MAF: variants seen among roughly 807,000 people sequenced by gnomAD.
The protein encoded by MAF is MAF bZIP transcription factor, also known as transcription factor Maf.
Under a neutral mutation model 22.0 loss-of-function variants are expected in MAF, and 10 were observed. The observed-to-expected ratio is 0.45, with a 90% CI of 0.28 to 0.77. The LOEUF is 0.77. Ranked by LOEUF, MAF falls within the 30% of genes least tolerant of loss-of-function variation. The pLI is 0.12. For missense variants in MAF, 544 were observed against 548.4 expected (o/e 0.99, Z 0.08); for synonymous variants, 337 against 255.8 (o/e 1.32, Z -3.03).
At chr16:79,206,898 C>G in the MAF span, among the ~76,000 whole-genome samples, 2 of 152,138 alleles carry the variant, frequency 1.3e-5, no homozygotes, top group South Asian at 2.1e-4. Context: ...AAAGATTGCT[C>G]TTGGATAGTG....
Position 79,599,871 on chromosome 16 carries a change from T to C in MAF, c.32A>G (p.Asp11Gly). The C allele has an allele frequency of 6.2e-7, 1 of 1,606,584 alleles. No individual in the cohort carries two copies. The highest frequency in any genetic ancestry group is 8.5e-7 in the Non-Finnish European group (1 of 1,179,760). The change falls in exon 1 of 2, where the codon GAC (aspartate) becomes GGC (glycine). Residue 11 changes from aspartate to glycine, a missense_variant. Around this residue, in one of 5 missense-constraint regions of MAF, gnomAD observed 63 missense variants for 72.7 expected, o/e 0.87. Coordinates refer to ENST00000326043, the MANE Select transcript of MAF (RefSeq NM_005360.5). ...CATGGCCAGGGGACTGGTGGGCAGG[T>C]CGGAGTTGCTCATTGCCAGTTCTGA... MASELAMSNS[D>G]LPTSPLAMEY...
the MAF span, among the ~76,000 whole-genome samples, chr16:79,222,124 C>G: frequency 0.54 from 81,283 of 151,886 alleles, 22,530 homozygotes; most frequent in Non-Finnish European, 0.62. Context: ...GCAGATCTCT[C>G]GGCAGAAACC....
the MAF span, among the ~76,000 whole-genome samples, chr16:79,404,761 C>G: frequency 3.3e-5 from 5 of 152,014 alleles, no homozygotes; most frequent in African/African-American, 1.2e-4. Context: ...AAATCTCAGA[C>G]TGACATAGGC....
chr16:79,466,427 T>G, the MAF span, among the ~76,000 whole-genome samples: 1 of 152,234 alleles, frequency 6.6e-6, no homozygotes, highest in African/African-American at 2.4e-5. Flanking sequence ...TAGGGCTTTG[T>G]GTTGAAACGA....
the MAF span, among the ~76,000 whole-genome samples, chr16:79,210,921 C>G: frequency 1.3e-5 from 2 of 152,140 alleles, no homozygotes; most frequent in Non-Finnish European, 2.9e-5. Context: ...ACCCCCTTAC[C>G]TGTGGTCCCA....
At chr16:79,286,556 G>C in the MAF span, among the ~76,000 whole-genome samples, 1 of 152,258 alleles carries the variant, frequency 6.6e-6, no homozygotes, top group South Asian at 2.1e-4. Context: ...GTGTATATGT[G>C]CATGCACACT....
the MAF span, among the ~76,000 whole-genome samples, chr16:79,387,417 A>C: frequency 2.6e-5 from 4 of 152,194 alleles, no homozygotes; most frequent in African/African-American, 7.2e-5. Flanking sequence ...AACATCCACT[A>C]CTAAAGGAGA....
At chr16:79,270,543 A>G in the MAF span, among the ~76,000 whole-genome samples, 1 of 152,212 alleles carries the variant, frequency 6.6e-6, no homozygotes, top group Non-Finnish European at 1.5e-5. Flanking sequence ...TAGGCAGGAT[A>G]CCAAGGGAAA....
the MAF span, among the ~76,000 whole-genome samples, chr16:79,368,558 A>G: frequency 6.6e-6 from 1 of 152,120 alleles, no homozygotes; most frequent in South Asian, 2.1e-4. Context: ...AATGTTACTG[A>G]AAACCTTATG....
chr16:79,429,256 G>A, the MAF span, among the ~76,000 whole-genome samples: 43 of 152,276 alleles, frequency 2.8e-4, no homozygotes, highest in South Asian at 1.5e-3. Flanking sequence ...TCCGTAATGA[G>A]CCAATACAAA....
chr16:79,578,798 A>C, the MAF span, among the ~76,000 whole-genome samples: 48 of 152,234 alleles, frequency 3.2e-4, no homozygotes, highest in Non-Finnish European at 5.3e-4. Flanking sequence ...TAAATATTTC[A>C]GGCGACCAGC....
At chr16:79,590,693 G>A (rs1044838682), downstream of MAF, among the ~76,000 whole-genome samples, 1 of 152,058 alleles carries the variant, frequency 6.6e-6, no homozygotes, top group African/African-American at 2.4e-5. Flanking sequence ...GATCCTTCTT[G>A]GTGGGAGGTT....
chr16:79,520,540 T>C, the MAF span, among the ~76,000 whole-genome samples: 1 of 152,108 alleles, frequency 6.6e-6, no homozygotes, highest in East Asian at 1.9e-4. Flanking sequence ...TCTGGATAAG[T>C]AGTACATAAA....
the MAF span, among the ~76,000 whole-genome samples, chr16:79,255,977 C>CTTTTTTTTT: frequency 4.6e-5 from 5 of 107,942 alleles, no homozygotes; most frequent in Non-Finnish European, 5.9e-5. Context: ...TTTTTCTTTT[C>CTTTTTTTTT]TTTTCTTTTT....
In MAF at chr16:79,594,215, G is replaced by C; in HGVS notation, c.*245C>G. On this transcript the variant is annotated 3_prime_UTR_variant, in exon 2 of 2. Transcript: ENST00000326043. ...TTAAAACTAGTATGGCAGGTTGAAA[G>C]CAATGCACCTGTTTACTTGCACACA... 2.0e-6 allele frequency: 1 copy of C among 490,826 alleles called. No individual in the cohort carries two copies. The highest frequency in any genetic ancestry group is 3.7e-6 in the Non-Finnish European group (1 of 271,940). The allele number at this position is 490,826 out of a possible 1,614,324, so 30.4% of individuals were successfully genotyped here. A position where few individuals can be genotyped will look rare whatever the true frequency, so the allele number is the denominator to read the frequency against.
the MAF span, among the ~76,000 whole-genome samples, chr16:79,358,766 C>T: frequency 6.6e-6 from 1 of 152,184 alleles, no homozygotes; most frequent in Non-Finnish European, 1.5e-5. Flanking sequence ...TATGCCTCTC[C>T]AATGTTAAAG....
chr16:79,269,577 T>G, the MAF span, among the ~76,000 whole-genome samples: 1 of 152,178 alleles, frequency 6.6e-6, no homozygotes, highest in Non-Finnish European at 1.5e-5. Flanking sequence ...AGGTTCCCCT[T>G]GCAGAAATAA....
At chr16:79,535,526 A>G in the MAF span, among the ~76,000 whole-genome samples, 1 of 150,370 alleles carries the variant, frequency 6.7e-6, no homozygotes, top group Non-Finnish European at 1.5e-5. Flanking sequence ...CATTTTTCCC[A>G]CTTGTCTATA....
At chr16:79,382,844 C>T in the MAF span, among the ~76,000 whole-genome samples, 3 of 152,080 alleles carry the variant, frequency 2.0e-5, no homozygotes, top group Non-Finnish European at 2.9e-5. Context: ...CTCTAGTGCA[C>T]GAATTAGGTG....
Sources: gnomAD v4.1 joint callset for allele counts (sites outside exome capture counted in the v4.1 genomes callset) on GRCh38, gnomAD v4.1.1 for gene constraint, gnomAD v4.1.1 regional missense constraint, MANE v1.5 for transcripts, NCBI Gene and HGNC (gene_info 2026-07-23, HGNC 2026-07-21) for gene names.